Variants in DPP6 observed in about 807,000 individuals in gnomAD.
DPP6 encodes A-type potassium channel modulatory protein DPP6.
DPP6 carries 69 observed loss-of-function variants against 122.6 expected under a neutral mutation model. The ratio of observed to expected loss-of-function variants is 0.56; its 90% CI spans 0.46 to 0.69. DPP6 has a LOEUF of 0.69. DPP6 is among the 30% of genes least tolerant of loss of function. The pLI is 0.00. For missense variants in DPP6, 928 were observed against 1,116.9 expected (o/e 0.83, Z 2.41); for synonymous variants, 418 against 433.1 (o/e 0.97, Z 0.43).
intron 1 of DPP6, among the ~76,000 whole-genome samples, chr7:154,036,066 T>C (rs866681430): frequency 5.3e-5 from 8 of 151,898 alleles, no homozygotes; most frequent in Admixed American, 2.6e-4. Flanking sequence ...ATAAACAATA[T>C]GATTAGTGTT....
At chr7:154,226,686 G>C (rs1042546114) in intron 1 of DPP6, among the ~76,000 whole-genome samples, 3 of 152,194 alleles carry the variant, frequency 2.0e-5, no homozygotes, top group Non-Finnish European at 2.9e-5. Context: ...AGGCTCTGCT[G>C]TCAAAAATCC....
intron 1 of DPP6, among the ~76,000 whole-genome samples, chr7:154,425,604 A>AAAAG (rs60604834): frequency 0.32 from 40,711 of 127,620 alleles, 7,598 homozygotes; most frequent in East Asian, 0.52. Context: ...GGGGAAAAAA[A>AAAAG]TGTGTGTGTG....
rs148279270 is a variant in DPP6 at position 154,030,061 on chromosome 7, C to T, written c.51+142327C>T. ...AAATACAAGAATTAGCCAGGCGTGG[C>T]GGCGCACACCTGTAGTTCCAAGTAC... On this transcript the variant is annotated intron_variant, in intron 1 of 25. Coordinates refer to the DPP6 transcript ENST00000404039. Among the ~76,000 whole-genome samples the T allele has an allele frequency of 6.0e-3, 912 of 151,988 alleles. 9 individuals are homozygous for T. The highest frequency in any genetic ancestry group is 0.018 in the African/African-American group (751 of 41,420).
In DPP6 at chr7:154,841,870, G is replaced by A. The variant is rs896264091; in HGVS notation, c.1667-11910G>A. 3.9e-5 allele frequency among the ~76,000 whole-genome samples: 6 copies of A among 152,282 alleles called. No homozygotes were observed. In the East Asian group the frequency reaches 1.2e-3, roughly 29 times the overall value. ...GCAAAACTAAATGCTGTGGGGCACG[G>A]AGTGGAGGGGGTGGGGACAGCCTCA... is the stretch of plus-strand genomic sequence containing the variant. On this transcript the variant is annotated intron_variant, in intron 16 of 25. Coordinates refer to ENST00000377770, the MANE Select transcript of DPP6 (RefSeq NM_130797.4).
the DPP6 span, among the ~76,000 whole-genome samples, chr7:153,804,634 C>T: frequency 1.3e-5 from 2 of 152,182 alleles, no homozygotes; most frequent in Middle Eastern, 3.4e-3. Flanking sequence ...TTGGCTCATG[C>T]CTGTAATCCC....
chr7:154,482,146 T>A (rs1823362106), intron 3 of DPP6, among the ~76,000 whole-genome samples: 1 of 152,214 alleles, frequency 6.6e-6, no homozygotes, highest in African/African-American at 2.4e-5. Flanking sequence ...GGGGAAAGCC[T>A]TCCAGGCAGG....
intron 1 of DPP6, among the ~76,000 whole-genome samples, chr7:154,070,761 T>C (rs1385443529): frequency 2.0e-5 from 3 of 152,172 alleles, no homozygotes; most frequent in Non-Finnish European, 4.4e-5. Context: ...TAATTGAAGG[T>C]ATGGGAAACT....
chr7:154,007,305 A>C (rs1253306271), intron 1 of DPP6, among the ~76,000 whole-genome samples: 4 of 152,226 alleles, frequency 2.6e-5, no homozygotes, highest in African/African-American at 9.6e-5. Flanking sequence ...TGTTCCTTTC[A>C]CTTTTTAAAG....
At chr7:154,375,383 C>G (rs899548034) in intron 1 of DPP6, among the ~76,000 whole-genome samples, 4 of 152,066 alleles carry the variant, frequency 2.6e-5, no homozygotes, top group African/African-American at 9.7e-5. Context: ...CGGAAAGGCA[C>G]CATGGCTGCA....
chr7:153,967,353 A>G (rs998314617), intron 1 of DPP6, among the ~76,000 whole-genome samples: 1 of 152,128 alleles, frequency 6.6e-6, no homozygotes, highest in African/African-American at 2.4e-5. Flanking sequence ...ATGGCCTTGC[A>G]GTTTGAACTC....
the DPP6 span, among the ~76,000 whole-genome samples, chr7:153,793,356 T>C: frequency 6.9e-6 from 1 of 144,474 alleles, no homozygotes; most frequent in Non-Finnish European, 1.5e-5. Flanking sequence ...GTGACTCTTG[T>C]TGTGTTTTAG....
chr7:154,403,701 T>C lies in DPP6; in HGVS notation c.244-42513T>C, dbSNP rs1815839897. 6.6e-6 allele frequency among the ~76,000 whole-genome samples: 1 copy of C among 152,206 alleles called. No individual in the cohort carries two copies. Among genetic ancestry groups the C allele is most frequent in the African/African-American group, 2.4e-5 (1 of 41,460 alleles). On this transcript the variant is annotated intron_variant, in intron 1 of 25. Coordinates refer to ENST00000377770, the MANE Select transcript of DPP6 (RefSeq NM_130797.4). The surrounding 1 kb of genome is among the most constrained non-coding windows in gnomAD (Gnocchi z 4.1). Reference sequence around the variant, plus strand: ...GGGAGGCAGCAATCTGCAGGTTGCGTTCATGCCGTGACAGTCCATTCAGGG... The same window carrying C: ...GGGAGGCAGCAATCTGCAGGTTGCGCTCATGCCGTGACAGTCCATTCAGGG...
At chr7:153,782,076 G>C in the DPP6 span, among the ~76,000 whole-genome samples, 1 of 150,300 alleles carries the variant, frequency 6.7e-6, no homozygotes, top group African/African-American at 2.5e-5. Context: ...TAGACACCAT[G>C]GTTTTCTCTT....
intron 5 of DPP6, among the ~76,000 whole-genome samples, chr7:154,616,533 G>GGA (rs1417941209): frequency 3.3e-5 from 5 of 152,278 alleles, no homozygotes; most frequent in Middle Eastern, 3.4e-3. Context: ...GGAGGGCTGG[G>GGA]AGGCTATGGG....
intron 1 of DPP6, among the ~76,000 whole-genome samples, chr7:153,923,506 A>C (rs1278316099): frequency 6.6e-6 from 1 of 152,148 alleles, no homozygotes; most frequent in Non-Finnish European, 1.5e-5. Context: ...TCATGCCTGT[A>C]GTCCCAGCAC....
chr7:154,355,276 A>AT (rs1414918163), intron 1 of DPP6, among the ~76,000 whole-genome samples: 1 of 152,226 alleles, frequency 6.6e-6, no homozygotes, highest in African/African-American at 2.4e-5. Context: ...TATTCTAGGT[A>AT]TGAGACCTTC....
At chr7:154,520,726 G>T (rs576433884) in intron 3 of DPP6, among the ~76,000 whole-genome samples, 2 of 152,166 alleles carry the variant, frequency 1.3e-5, no homozygotes, top group Non-Finnish European at 2.9e-5. Flanking sequence ...TATGGGAGTG[G>T]GATGGGGCAG....
intron 1 of DPP6, among the ~76,000 whole-genome samples, chr7:154,380,594 T>C (rs767498015): frequency 6.6e-6 from 1 of 152,202 alleles, no homozygotes. Flanking sequence ...TGGGGACATA[T>C]GTGTCTCTGC....
chr7:154,589,734 C>T lies in DPP6; in HGVS notation c.627+22818C>T, dbSNP rs912775765. ...TTCTAAAGCAATGCTGAATATTTAA[C>T]GACCTTCAGATATTTGCAGACAGCT... On this transcript the variant is annotated intron_variant, in intron 5 of 25. Coordinates refer to ENST00000377770, the MANE Select transcript of DPP6 (RefSeq NM_130797.4). Among the ~76,000 whole-genome samples the T allele has an allele frequency of 6.6e-5, 10 of 152,300 alleles. No homozygotes were observed. The East Asian group carries it at 7.7e-4, about 12-fold the overall frequency.
Sources: gnomAD v4.1 joint callset for allele counts (sites outside exome capture counted in the v4.1 genomes callset) on GRCh38, gnomAD v4.1.1 for gene constraint, Gnocchi (gnomAD v3.1) non-coding constraint, MANE v1.5 for transcripts, NCBI Gene and HGNC (gene_info 2026-07-23, HGNC 2026-07-21) for gene names.